Variants in GALNT11 observed in about 807,000 individuals in gnomAD.
GALNT11 encodes UDP-GalNAc:polypeptide N-acetylgalactosaminyltransferase 11.
In GALNT11, 47 loss-of-function variants were observed where a neutral mutation model predicts 72.7. That is an observed-to-expected ratio of 0.65 (90% CI 0.51 to 0.82). GALNT11 has a LOEUF of 0.82. Among genes scored for constraint, GALNT11 ranks in the 40% least tolerant of loss-of-function variants. GALNT11 has a pLI of 0.00. For synonymous variants in GALNT11, 270 were observed against 286.6 expected (o/e 0.94, Z 0.58); for missense variants, 677 against 778.4 (o/e 0.87, Z 1.55).
At chr7:152,034,944 G>A (rs1339004289) in intron 1 of GALNT11, among the ~76,000 whole-genome samples, 2 of 152,106 alleles carry the variant, frequency 1.3e-5, no homozygotes, top group East Asian at 3.9e-4. Flanking sequence ...AAACCTGTTA[G>A]GGTCCTAAGC....
At chr7:152,093,986 T>A (rs758698212) in intron 1 of GALNT11, 2 of 404,002 alleles carry the variant, frequency 5.0e-6, no homozygotes, top group African/African-American at 2.1e-5. Context: ...GTTGGTTCTC[T>A]GAGCATTAAC....
intron 1 of GALNT11, among the ~76,000 whole-genome samples, chr7:152,049,805 T>A (rs2083304282): frequency 6.6e-6 from 1 of 152,134 alleles, no homozygotes; most frequent in Admixed American, 6.5e-5. Flanking sequence ...GGTGCTCTAT[T>A]CTACTGCGGC....
Position 152,118,729 on chromosome 7 carries a change from CAG to C in GALNT11, c.1506_1507del (p.Lys503GlyfsTer7). 1.2e-6 allele frequency: 2 copies of C among 1,611,990 alleles called. No homozygotes were observed. The highest frequency in any genetic ancestry group is 1.7e-6 in the Non-Finnish European group (2 of 1,179,256). ...CCTGGTGGCCCAGGGCCGCCCAAGT[CAG>C]AAGGGAGGTCTCGTGGTGCTTAAGG... The part of the protein sequence containing the change: ...KCLVAQGRPS[Q>X]KGGLVVLKAC... On this transcript the variant is annotated frameshift_variant, in exon 10 of 12. Coordinates refer to ENST00000430044, the MANE Select transcript of GALNT11 (RefSeq NM_022087.4). LOFTEE classifies it high-confidence loss of function.
chr7:152,105,005 C>G (rs1437573957), intron 4 of GALNT11: 2 of 315,840 alleles, frequency 6.3e-6, no homozygotes, highest in Non-Finnish European at 1.2e-5. Context: ...TATGGAGATA[C>G]AAATAAGTCT....
At chr7:152,071,315 A>G (rs1318402130) in intron 1 of GALNT11, among the ~76,000 whole-genome samples, 2 of 152,202 alleles carry the variant, frequency 1.3e-5, no homozygotes, top group African/African-American at 4.8e-5. Context: ...GTATACCTCC[A>G]GGCACGTATT....
intron 4 of GALNT11, chr7:152,104,040 G>T (rs895455713): frequency 6.6e-6 from 1 of 152,104 alleles, no homozygotes; most frequent in Admixed American, 6.5e-5. Flanking sequence ...TATTCTGTAC[G>T]CCTTTCTTAA....
At chr7:152,051,086 T>TTC in intron 1 of GALNT11, among the ~76,000 whole-genome samples, 1 of 152,310 alleles carries the variant, frequency 6.6e-6, no homozygotes, top group Non-Finnish European at 1.5e-5. Flanking sequence ...TGATTTTTAG[T>TTC]TCTTATGAAG....
chr7:152,073,319 C>T (rs896022254), intron 1 of GALNT11, among the ~76,000 whole-genome samples: 1 of 152,176 alleles, frequency 6.6e-6, no homozygotes, highest in Non-Finnish European at 1.5e-5. Flanking sequence ...GCCCACCCTT[C>T]CCAGCCTCTA....
At chr7:152,052,696 C>T (rs1312136757) in intron 1 of GALNT11, among the ~76,000 whole-genome samples, 1 of 152,212 alleles carries the variant, frequency 6.6e-6, no homozygotes, top group African/African-American at 2.4e-5. Context: ...CTCCTCCACA[C>T]AGTCCTTAAA....
At chr7:152,096,265 A>G (rs2086364628) in intron 2 of GALNT11, among the ~76,000 whole-genome samples, 1 of 152,228 alleles carries the variant, frequency 6.6e-6, no homozygotes, top group Non-Finnish European at 1.5e-5. Context: ...AAAGAGGGAA[A>G]AGGTTATCCT....
chr7:152,106,606 C>T (rs935029128), intron 5 of GALNT11, among the ~76,000 whole-genome samples: 1 of 152,086 alleles, frequency 6.6e-6, no homozygotes, highest in Non-Finnish European at 1.5e-5. Context: ...AAGTGAAAAT[C>T]CTGGGGTATT....
At chr7:152,075,582 G>T (rs998891311) in intron 1 of GALNT11, among the ~76,000 whole-genome samples, 4 of 151,984 alleles carry the variant, frequency 2.6e-5, no homozygotes, top group African/African-American at 9.7e-5. Flanking sequence ...CAAGGCTGGC[G>T]GATCACCTGA....
In GALNT11 at chr7:152,094,741, C is replaced by A. The variant is rs563228278; in HGVS notation, c.295+219C>A. ...CTTCAGTATCTTATGAGAAAACAAACAAGGTCCAGGGAAGAAAAATTAAAA... is the reference window on the plus strand; with the variant it reads ...CTTCAGTATCTTATGAGAAAACAAAAAAGGTCCAGGGAAGAAAAATTAAAA... On this transcript the variant is annotated intron_variant, in intron 2 of 11. Coordinates refer to ENST00000430044, the MANE Select transcript of GALNT11 (RefSeq NM_022087.4). The surrounding 1 kb of genome is among the most constrained non-coding windows in gnomAD (Gnocchi z 4.3). 1.3e-5 allele frequency among the ~76,000 whole-genome samples: 2 copies of A among 152,108 alleles called. No homozygotes were observed. Among genetic ancestry groups the A allele is most frequent in the Non-Finnish European group, 2.9e-5 (2 of 68,016 alleles).
rs573200341 is a variant in GALNT11, at chr7:152,100,928, G to A, written c.419+7G>A. ...CAGACACAAGGAATGCAGCGTATGT[G>A]CCTTATCGGATTTGCAAATACATTT... On this transcript the variant is annotated splice_region_variant and intron_variant, in intron 3 of 11. Coordinates refer to ENST00000430044, the MANE Select transcript of GALNT11 (RefSeq NM_022087.4). The A allele has an allele frequency of 4.3e-6, 7 of 1,612,788 alleles. No homozygotes were observed. Among genetic ancestry groups the A allele is most frequent in the African/African-American group, 1.3e-5 (1 of 74,964 alleles).
intron 1 of GALNT11, among the ~76,000 whole-genome samples, chr7:152,063,100 T>C (rs2084108927): frequency 6.6e-6 from 1 of 151,878 alleles, no homozygotes; most frequent in South Asian, 2.1e-4. Flanking sequence ...GGTCCTGGAC[T>C]TTTTTTTGTT....
chr7:152,101,812 T>G (rs375082735), intron 3 of GALNT11, among the ~76,000 whole-genome samples: 3 of 152,128 alleles, frequency 2.0e-5, no homozygotes, highest in East Asian at 1.9e-4. Context: ...TTTTATAGTT[T>G]TAGTAGAGAT....
intron 10 of GALNT11, 32 bp from the exon 11 acceptor site, chr7:152,120,799 T>C (rs759167944): frequency 6.5e-7 from 1 of 1,544,240 alleles, no homozygotes; most frequent in Non-Finnish European, 8.9e-7. Context: ...TAAAATTCGT[T>C]ATCTAAATTT....
intron 2 of GALNT11, among the ~76,000 whole-genome samples, chr7:152,099,821 G>A (rs2086696075): frequency 1.4e-5 from 2 of 140,210 alleles, no homozygotes; most frequent in South Asian, 4.6e-4. Flanking sequence ...CTGGAGTGCA[G>A]TGGCACAACT....
chr7:152,084,751 C>T (rs1266497860), intron 1 of GALNT11, among the ~76,000 whole-genome samples: 3 of 152,160 alleles, frequency 2.0e-5, no homozygotes, highest in East Asian at 1.9e-4. Flanking sequence ...AAAAATTATA[C>T]AAACAAGTAT....
Sources: allele counts gnomAD v4.1 joint callset (sites outside exome capture counted in the v4.1 genomes callset), GRCh38; gene constraint gnomAD v4.1.1; non-coding constraint Gnocchi (gnomAD v3.1); transcripts MANE v1.5; gene names NCBI Gene and HGNC (gene_info 2026-07-23, HGNC 2026-07-21).